RARB: variants seen among roughly 807,000 people sequenced by gnomAD.
RARB encodes the protein HBV-activated protein.
A neutral mutation model predicts 51.9 loss-of-function variants in RARB; 17 were observed. That is an observed-to-expected ratio of 0.33 (90% CI 0.22 to 0.49). The LOEUF (loss-of-function observed/expected upper bound fraction) is 0.49. Among genes scored for constraint, RARB ranks in the 20% least tolerant of loss-of-function variants. RARB has a pLI of 0.99. For synonymous variants in RARB, 215 were observed against 195.4 expected, an observed-to-expected ratio of 1.10 and a Z score of -0.84; for missense variants, 369 against 550.8, an observed-to-expected ratio of 0.67 and a Z score of 3.30.
intron 2 of RARB, among the ~76,000 whole-genome samples, chr3:24,942,214 T>A (rs1349249969): frequency 1.3e-5 from 2 of 152,310 alleles, no homozygotes; most frequent in East Asian, 3.9e-4. Flanking sequence ...TTTTAACACC[T>A]CCTGTATGCT....
At chr3:25,529,185 C>T (rs1698789664) in intron 3 of RARB, among the ~76,000 whole-genome samples, 1 of 150,956 alleles carries the variant, frequency 6.6e-6, no homozygotes, top group Non-Finnish European at 1.5e-5. Context: ...ACCTAGTGAC[C>T]CAGAAAAAAA....
At chr3:24,994,825 A>G (rs752604034) in intron 2 of RARB, among the ~76,000 whole-genome samples, 1 of 151,732 alleles carries the variant, frequency 6.6e-6, no homozygotes, top group Non-Finnish European at 1.5e-5. Context: ...TTGTACCTGG[A>G]TTTTCTATTT....
At chr3:24,962,290 T>C (rs1257296618) in intron 2 of RARB, among the ~76,000 whole-genome samples, 2 of 152,134 alleles carry the variant, frequency 1.3e-5, no homozygotes, top group African/African-American at 4.8e-5. Context: ...CTTGGCACTG[T>C]TGACATTTTG....
chr3:25,185,998 A>C (rs2125360285), intron 5 of RARB, among the ~76,000 whole-genome samples: 1 of 152,260 alleles, frequency 6.6e-6, no homozygotes, highest in African/African-American at 2.4e-5. Flanking sequence ...TGGGTGAACA[A>C]AGGAGTATTA....
chr3:25,044,140 A>G (rs973751056), intron 2 of RARB, among the ~76,000 whole-genome samples: 7 of 152,206 alleles, frequency 4.6e-5, no homozygotes, highest in African/African-American at 1.7e-4. Flanking sequence ...AAACCCTTTT[A>G]GTCAATTCTT....
At chr3:25,034,591 C>G (rs1039473887) in intron 2 of RARB, among the ~76,000 whole-genome samples, 1 of 152,120 alleles carries the variant, frequency 6.6e-6, no homozygotes, top group African/African-American at 2.4e-5. Flanking sequence ...TTTTATGGCT[C>G]AACAAAGCTA....
intron 5 of RARB, among the ~76,000 whole-genome samples, chr3:25,232,497 C>A (rs894662166): frequency 6.6e-6 from 1 of 151,856 alleles, no homozygotes; most frequent in Non-Finnish European, 1.5e-5. Context: ...CCCAAATAAG[C>A]CTAATAAAAG....
chr3:25,325,781 T>G (rs1275355786), intron 5 of RARB, among the ~76,000 whole-genome samples: 1 of 145,332 alleles, frequency 6.9e-6, no homozygotes, highest in Non-Finnish European at 1.5e-5. Context: ...TACCTTCAGT[T>G]TGGGGGTTGT....
intron 5 of RARB, among the ~76,000 whole-genome samples, chr3:25,396,440 C>T (rs1314711230): frequency 6.6e-6 from 1 of 152,166 alleles, no homozygotes; most frequent in Non-Finnish European, 1.5e-5. Context: ...TGGGGTTGTT[C>T]TTTTGTGAGT....
chr3:24,937,887 C>CA (rs1474401453), intron 2 of RARB, among the ~76,000 whole-genome samples: 1 of 151,948 alleles, frequency 6.6e-6, no homozygotes, highest in East Asian at 1.9e-4. Context: ...CCGGAAAAAA[C>CA]AAAAAATCTA....
intron 5 of RARB, among the ~76,000 whole-genome samples, chr3:25,587,605 A>G (rs1042571533): frequency 6.6e-6 from 1 of 152,292 alleles, no homozygotes. Context: ...TGCTTCTAAC[A>G]TCTGTATTTT....
At chr3:25,480,321 A>C (rs1378231929) in intron 2 of RARB, among the ~76,000 whole-genome samples, 5 of 152,236 alleles carry the variant, frequency 3.3e-5, no homozygotes, top group African/African-American at 1.2e-4. Context: ...CCATGTTTTT[A>C]ACTCATTTAA....
rs763317831 is a variant in RARB at position 25,501,366 on chromosome 3, T to A, written c.448+43T>A. On this transcript the variant is annotated intron_variant, in intron 3 of 7. Coordinates refer to ENST00000330688, the MANE Select transcript of RARB (RefSeq NM_000965.5). Reference sequence around the variant, plus strand: ...AAACTTTTTCCCTGTTTTCCTTATCTCTGTGATTTGCTCACCTTCCACAGT... The same window carrying A: ...AAACTTTTTCCCTGTTTTCCTTATCACTGTGATTTGCTCACCTTCCACAGT... The A allele has an allele frequency of 1.1e-5, 17 of 1,597,628 alleles. No homozygotes were observed. In the African/African-American group the frequency reaches 1.6e-4, roughly 15 times the overall value.
chr3:24,852,821 A>G (rs1335626028), intron 1 of RARB, among the ~76,000 whole-genome samples: 1 of 152,152 alleles, frequency 6.6e-6, no homozygotes, highest in Non-Finnish European at 1.5e-5. Flanking sequence ...AGAGAAAGTA[A>G]ATTAGTGTTT....
At chr3:24,874,538 C>G (rs1046287995) in intron 2 of RARB, among the ~76,000 whole-genome samples, 1 of 152,004 alleles carries the variant, frequency 6.6e-6, no homozygotes, top group East Asian at 1.9e-4. Context: ...AAGTAACTCT[C>G]AACATGTTGC....
chr3:25,131,289 C>T (rs1174110568), intron 3 of RARB, among the ~76,000 whole-genome samples: 1 of 151,958 alleles, frequency 6.6e-6, no homozygotes, highest in Non-Finnish European at 1.5e-5. Flanking sequence ...AGTTCCTAAT[C>T]ATTTTGTGTT....
chr3:25,313,288 C>T (rs1351097603), intron 5 of RARB, among the ~76,000 whole-genome samples: 1 of 152,182 alleles, frequency 6.6e-6, no homozygotes, highest in Admixed American at 6.6e-5. Flanking sequence ...GAGTTAGTGA[C>T]CCAAACAAAC....
chr3:24,917,025 A>AG (rs1170992221), intron 2 of RARB, among the ~76,000 whole-genome samples: 4 of 152,238 alleles, frequency 2.6e-5, no homozygotes, highest in Admixed American at 2.6e-4. Context: ...TAATTTATGA[A>AG]GAATAGTGAA....
Position 25,580,563 on chromosome 3 carries a change from T to C in RARB, c.627T>C (p.His209=). 1.9e-6 allele frequency: 3 copies of C among 1,597,442 alleles called. No homozygotes were observed. The highest frequency in any genetic ancestry group is 2.6e-6 in the Non-Finnish European group (3 of 1,166,766). The change falls in exon 5 of 8, where the codon CAT becomes CAC. Residue 209 remains histidine (H), a synonymous_variant. Transcript: ENST00000330688. The stretch of plus-strand genomic sequence containing the variant: ...TCTCCTAGAATTCCAGTGCTGACCA[T>C]CGAGTCCGACTGGACCTGGGCCTCT... ...GKYTTNSSAD[H]RVRLDLGLWD... is the part of the protein sequence containing the mutation.
Sources: gnomAD v4.1 joint callset for allele counts (sites outside exome capture counted in the v4.1 genomes callset) on GRCh38, gnomAD v4.1.1 for gene constraint, MANE v1.5 for transcripts, NCBI Gene and HGNC (gene_info 2026-07-23, HGNC 2026-07-21) for gene names.